Variants in NTM observed in about 807,000 individuals in gnomAD.
The protein encoded by NTM is neurotrimin, also known as IgLON family member 2.
A neutral mutation model predicts 42.1 loss-of-function variants in NTM; 13 were observed. That is an observed-to-expected ratio of 0.31 (90% CI 0.20 to 0.49). The LOEUF (loss-of-function observed/expected upper bound fraction) is 0.49, where lower values mean the gene tolerates loss of function less well. NTM is among the 20% of genes least tolerant of loss of function. NTM has a pLI of 0.99. For synonymous variants in NTM, 187 were observed against 179.2 expected (o/e 1.04, Z -0.35); for missense variants, 373 against 452.8 (o/e 0.82, Z 1.60).
chr11:131,951,653 T>A (rs1565810161), intron 2 of NTM, among the ~76,000 whole-genome samples: 1 of 151,718 alleles, frequency 6.6e-6, no homozygotes, highest in South Asian at 2.1e-4. Flanking sequence ...GAAACCCCGT[T>A]TCTACTAAAA....
chr11:131,911,477 C>A (rs1282162417), intron 1 of NTM, 87 bp from the exon 2 acceptor site: 1 of 1,614,016 alleles, frequency 6.2e-7, no homozygotes, highest in East Asian at 2.2e-5. Flanking sequence ...TTGTGGCTGT[C>A]GAGAATGGGG....
chr11:131,503,991 A>G (rs1463485118), intron 1 of NTM, among the ~76,000 whole-genome samples: 2 of 152,194 alleles, frequency 1.3e-5, no homozygotes, highest in African/African-American at 4.8e-5. Flanking sequence ...GGGTCAGAGC[A>G]TGAAGTCCAA....
chr11:131,473,340 C>T (rs1310160717), intron 1 of NTM, among the ~76,000 whole-genome samples: 2 of 152,088 alleles, frequency 1.3e-5, no homozygotes, highest in Admixed American at 1.3e-4. Flanking sequence ...AAGAGGGTTT[C>T]CTAAGGGAGT....
chr11:131,503,712 G>C (rs552699877), intron 1 of NTM, among the ~76,000 whole-genome samples: 1 of 151,666 alleles, frequency 6.6e-6, no homozygotes, highest in South Asian at 2.1e-4. Flanking sequence ...TTTTTGTAGA[G>C]AGAGTCTCAC....
chr11:132,238,590 C>G (rs3099794), intron 4 of NTM, among the ~76,000 whole-genome samples: 1 of 151,848 alleles, frequency 6.6e-6, no homozygotes, highest in Non-Finnish European at 1.5e-5. Flanking sequence ...GTATGAGAGG[C>G]AGGGCAGCCT....
chr11:131,936,784 A>G (rs1054029223), intron 2 of NTM, among the ~76,000 whole-genome samples: 9 of 152,128 alleles, frequency 5.9e-5, no homozygotes, highest in African/African-American at 1.9e-4. Context: ...TGAGGCAGAC[A>G]CAGAACTTAC....
chr11:131,670,393 CTTTCTTTCT>C (rs1181932071), intron 1 of NTM, among the ~76,000 whole-genome samples: 5 of 151,752 alleles, frequency 3.3e-5, no homozygotes, highest in East Asian at 3.9e-4. Flanking sequence ...CTTTCTTTTT[CTTTCTTTCT>C]TCTTTCTTTC....
intron 2 of NTM, among the ~76,000 whole-genome samples, chr11:132,123,541 C>A (rs1797478146): frequency 6.6e-6 from 1 of 152,160 alleles, no homozygotes; most frequent in African/African-American, 2.4e-5. Context: ...CCAAGGGTAG[C>A]AATGTGGATG....
rs142012733 is a variant in NTM at position 131,390,177 on chromosome 11, G to A, written c.82+19289G>A. ...TTAGTCATGGCCAAAGAGAAGGGGC[G>A]CTTTCATGTCACATGGTAAAAGAGG... is the stretch of plus-strand genomic sequence containing the variant. On this transcript the variant is annotated intron_variant, in intron 1 of 8. Coordinates refer to ENST00000683400, the MANE Select transcript of NTM (RefSeq NM_001352005.2). Among the ~76,000 whole-genome samples the A allele has an allele frequency of 1.3e-3, 201 of 152,286 alleles. 1 individual carries two copies. The highest frequency in any genetic ancestry group is 2.4e-3 in the Non-Finnish European group (165 of 68,018).
chr11:131,948,322 G>A (rs2060580444), intron 2 of NTM, among the ~76,000 whole-genome samples: 1 of 148,828 alleles, frequency 6.7e-6, no homozygotes, highest in South Asian at 2.1e-4. Context: ...CCGAGATCAC[G>A]CCACTGCACT....
intron 2 of NTM, among the ~76,000 whole-genome samples, chr11:131,933,623 A>G (rs185838901): frequency 7.2e-5 from 11 of 152,184 alleles, no homozygotes; most frequent in African/African-American, 2.4e-4. Context: ...GTTTAATCAC[A>G]AAGTTTTATT....
chr11:131,531,898 A>T (rs374291229), intron 1 of NTM, among the ~76,000 whole-genome samples: 2 of 152,230 alleles, frequency 1.3e-5, no homozygotes, highest in East Asian at 3.9e-4. Context: ...CCGCATGCAC[A>T]GAAGTGTGGA....
intron 2 of NTM, among the ~76,000 whole-genome samples, chr11:131,971,605 T>A (rs1251336007): frequency 6.6e-6 from 1 of 152,152 alleles, no homozygotes; most frequent in South Asian, 2.1e-4. Context: ...GGAACCAACC[T>A]GCCTGGGTCC....
chr11:132,042,968 C>T (rs1281848327), intron 2 of NTM, among the ~76,000 whole-genome samples: 1 of 152,092 alleles, frequency 6.6e-6, no homozygotes, highest in African/African-American at 2.4e-5. Context: ...ATTTCATTTT[C>T]TGAGCTTATT....
At chr11:131,516,359 C>A (rs897928629) in intron 1 of NTM, among the ~76,000 whole-genome samples, 1 of 152,194 alleles carries the variant, frequency 6.6e-6, no homozygotes, top group Non-Finnish European at 1.5e-5. Flanking sequence ...GCCCTTTGTG[C>A]AAGTTGACCC....
intron 1 of NTM, among the ~76,000 whole-genome samples, chr11:131,612,237 G>A (rs575608253): frequency 6.6e-6 from 1 of 152,302 alleles, no homozygotes; most frequent in East Asian, 1.9e-4. Flanking sequence ...GTCTACCTCT[G>A]ACTTCAACCT....
chr11:131,911,695 G>T (rs776569251), intron 2 of NTM, 47 bp downstream of exon 2: 5 of 1,611,812 alleles, frequency 3.1e-6, no homozygotes, highest in Non-Finnish European at 4.2e-6. Context: ...GTATGGGGTC[G>T]GGGTAAGGGG....
chr11:132,310,869 C>T (rs1437130662), intron 6 of NTM, among the ~76,000 whole-genome samples: 2 of 152,112 alleles, frequency 1.3e-5, no homozygotes, highest in Non-Finnish European at 2.9e-5. Context: ...CATATCAGTG[C>T]AGGGATCAGT....
intron 2 of NTM, among the ~76,000 whole-genome samples, chr11:132,044,489 C>G (rs2077704462): frequency 6.6e-6 from 1 of 152,148 alleles, no homozygotes; most frequent in East Asian, 1.9e-4. Context: ...GAGGACCCCT[C>G]TTCTGAATTT....
Sources: allele counts gnomAD v4.1 joint callset (sites outside exome capture counted in the v4.1 genomes callset), GRCh38; gene constraint gnomAD v4.1.1; transcripts MANE v1.5; gene names NCBI Gene and HGNC (gene_info 2026-07-23, HGNC 2026-07-21).